ARHGAP24: variants seen among roughly 807,000 people sequenced by gnomAD.
The protein encoded by ARHGAP24 is Rho GTPase activating protein 24, also known as rho GTPase-activating protein 24.
A neutral mutation model predicts 76.4 loss-of-function variants in ARHGAP24; 50 were observed. The observed-to-expected ratio is 0.65, with a 90% CI of 0.52 to 0.83. The LOEUF (loss-of-function observed/expected upper bound fraction) is 0.83, where lower values mean the gene tolerates loss of function less well. ARHGAP24 is among the 40% of genes least tolerant of loss of function. The pLI, the probability that ARHGAP24 is intolerant of heterozygous loss-of-function variation, is 0.00. For missense variants in ARHGAP24, 930 were observed against 914.2 expected, an observed-to-expected ratio of 1.02 and a Z score of -0.22; for synonymous variants, 345 against 323.3, an observed-to-expected ratio of 1.07 and a Z score of -0.72.
chr4:85,564,623 C>T (rs1383846319), intron 1 of ARHGAP24, among the ~76,000 whole-genome samples: 2 of 151,272 alleles, frequency 1.3e-5, no homozygotes, highest in Admixed American at 6.6e-5. Context: ...ACCAGTTTCA[C>T]GGGGTGAGGG....
intron 4 of ARHGAP24, among the ~76,000 whole-genome samples, chr4:85,938,251 C>T (rs531275834): frequency 3.3e-5 from 5 of 152,278 alleles, no homozygotes; most frequent in East Asian, 1.9e-4. Flanking sequence ...TATTCATCAC[C>T]GCCCAGAAAT....
chr4:85,559,250 A>G (rs573919942), intron 1 of ARHGAP24, among the ~76,000 whole-genome samples: 1 of 152,196 alleles, frequency 6.6e-6, no homozygotes, highest in South Asian at 2.1e-4. Flanking sequence ...TTAGGTGTGG[A>G]AAACCTCTTA....
intron 5 of ARHGAP24, among the ~76,000 whole-genome samples, chr4:85,965,467 C>T (rs969589474): frequency 6.6e-6 from 1 of 152,088 alleles, no homozygotes; most frequent in Non-Finnish European, 1.5e-5. Context: ...TTCTTTCCAC[C>T]ACGTCTTCCA....
chr4:85,992,049 T>G (rs1355152455), intron 8 of ARHGAP24: 1 of 396,648 alleles, frequency 2.5e-6, no homozygotes, highest in East Asian at 3.6e-5. Flanking sequence ...AGGGAAGAAT[T>G]GCTGGATCGT....
chr4:85,994,153 G>A (rs917328396), intron 8 of ARHGAP24, among the ~76,000 whole-genome samples: 1 of 152,110 alleles, frequency 6.6e-6, no homozygotes, highest in African/African-American at 2.4e-5. Context: ...TAGATGAGAG[G>A]TCACAGTGAC....
chr4:85,980,788 G>A (rs533682187), intron 8 of ARHGAP24, among the ~76,000 whole-genome samples: 160 of 152,248 alleles, frequency 1.1e-3, no homozygotes, highest in Non-Finnish European at 4.7e-4. Flanking sequence ...GGCCTCAAAT[G>A]TATTTTCATA....
At chr4:85,773,524 C>G (rs1727204306) in intron 3 of ARHGAP24, among the ~76,000 whole-genome samples, 1 of 152,118 alleles carries the variant, frequency 6.6e-6, no homozygotes, top group African/African-American at 2.4e-5. Flanking sequence ...TATTTTGGTT[C>G]TATCTCCTCA....
chr4:85,990,284 G>T (rs1443730419), intron 8 of ARHGAP24: 2 of 151,386 alleles, frequency 1.3e-5, no homozygotes, highest in Non-Finnish European at 3.0e-5. Context: ...AAACAAATAA[G>T]AACTACATAA....
chr4:85,562,798 G>A (rs889283677), intron 1 of ARHGAP24, among the ~76,000 whole-genome samples: 2 of 152,178 alleles, frequency 1.3e-5, no homozygotes, highest in Non-Finnish European at 2.9e-5. Flanking sequence ...AGGAAAGTGG[G>A]CAGAAACTTG....
At chr4:85,663,581 A>G (rs996988877) in intron 2 of ARHGAP24, among the ~76,000 whole-genome samples, 9 of 148,622 alleles carry the variant, frequency 6.1e-5, no homozygotes, top group Non-Finnish European at 9.0e-5. Context: ...GAGAGAGGGC[A>G]TCCCTGTCTT....
chr4:85,629,113 T>G (rs942163327), intron 2 of ARHGAP24, among the ~76,000 whole-genome samples: 1 of 152,192 alleles, frequency 6.6e-6, no homozygotes, highest in Non-Finnish European at 1.5e-5. Flanking sequence ...TGTCTTTATC[T>G]TTTGTGAATA....
intron 3 of ARHGAP24, among the ~76,000 whole-genome samples, chr4:85,762,837 G>A (rs950919369): frequency 2.6e-5 from 4 of 152,074 alleles, no homozygotes; most frequent in African/African-American, 4.8e-5. Flanking sequence ...TTTAACTAGC[G>A]TAACTGTGAA....
At chr4:85,631,676 A>G (rs1023614714) in intron 2 of ARHGAP24, among the ~76,000 whole-genome samples, 2 of 151,990 alleles carry the variant, frequency 1.3e-5, no homozygotes, top group Non-Finnish European at 2.9e-5. Flanking sequence ...TTATTACTCA[A>G]TTTACTTTTT....
At chr4:85,992,526 A>C (rs1249773517) in intron 8 of ARHGAP24, among the ~76,000 whole-genome samples, 3 of 152,150 alleles carry the variant, frequency 2.0e-5, no homozygotes, top group African/African-American at 7.2e-5. Context: ...TTCAAATGTT[A>C]ACATTCCAAT....
intron 2 of ARHGAP24, among the ~76,000 whole-genome samples, chr4:85,686,411 G>A (rs1030931248): frequency 3.3e-5 from 5 of 152,218 alleles, no homozygotes; most frequent in South Asian, 2.1e-4. Context: ...TTACAAAACC[G>A]TCTCAAGAAC....
chr4:85,795,183 T>C (rs1011993259), intron 3 of ARHGAP24, among the ~76,000 whole-genome samples: 2 of 152,218 alleles, frequency 1.3e-5, no homozygotes, highest in Non-Finnish European at 2.9e-5. Context: ...GTCTCAGAAC[T>C]GATGTGTGCA....
intron 1 of ARHGAP24, among the ~76,000 whole-genome samples, chr4:85,547,341 A>G (rs1725958127): frequency 6.6e-6 from 1 of 152,200 alleles, no homozygotes; most frequent in Non-Finnish European, 1.5e-5. Flanking sequence ...TTGGATTCAG[A>G]ATATACATTT....
intron 3 of ARHGAP24, among the ~76,000 whole-genome samples, chr4:85,916,850 T>G (rs1044015471): frequency 7.2e-5 from 11 of 152,228 alleles, no homozygotes; most frequent in Non-Finnish European, 1.5e-4. Flanking sequence ...ACTGCAATAT[T>G]TAAATAATTA....
intron 3 of ARHGAP24, among the ~76,000 whole-genome samples, chr4:85,780,442 G>A (rs1727497883): frequency 6.6e-6 from 1 of 152,118 alleles, no homozygotes; most frequent in Non-Finnish European, 1.5e-5. Context: ...AAAGTGCTGG[G>A]ATTACAAACG....
Sources: gnomAD v4.1 joint callset for allele counts (sites outside exome capture counted in the v4.1 genomes callset) on GRCh38, gnomAD v4.1.1 for gene constraint, MANE v1.5 for transcripts, NCBI Gene and HGNC (gene_info 2026-07-23, HGNC 2026-07-21) for gene names.